SLIT1: variants seen among roughly 807,000 people sequenced by gnomAD.
SLIT1 encodes the protein slit guidance ligand 1, also known as slit homolog 1 protein.
Under a neutral mutation model 186.1 loss-of-function variants are expected in SLIT1, and 66 were observed. The observed-to-expected ratio is 0.35, with a 90% confidence interval of 0.29 to 0.44. The LOEUF (loss-of-function observed/expected upper bound fraction) is 0.44. Ranked by LOEUF, SLIT1 falls within the 20% of genes least tolerant of loss-of-function variation. The probability of loss-of-function intolerance (pLI) is 1.00; values close to 1 mark genes in which losing one functional copy is unlikely to be tolerated. For missense variants in SLIT1, 1,638 were observed against 2,037.4 expected, an observed-to-expected ratio of 0.80 and a Z score of 3.77; for synonymous variants, 761 against 833.8, an observed-to-expected ratio of 0.91 and a Z score of 1.50.
chr10:97,118,075 C>G (rs1051824171), intron 4 of SLIT1, among the ~76,000 whole-genome samples: 1 of 147,958 alleles, frequency 6.8e-6, no homozygotes, highest in Non-Finnish European at 1.5e-5. Context: ...ATTTAAGATT[C>G]TACTTTATTA....
chr10:97,158,615 TTGCACCAC>T (rs1849983554), intron 3 of SLIT1, among the ~76,000 whole-genome samples: 1 of 147,526 alleles, frequency 6.8e-6, no homozygotes, highest in Non-Finnish European at 1.5e-5. Flanking sequence ...TGAGCCAAGA[TTGCACCAC>T]TGCACTCCAG....
intron 13 of SLIT1, 144 bp from the exon 14 acceptor site, chr10:97,049,262 G>A (rs1848766485): frequency 2.1e-6 from 2 of 940,678 alleles, no homozygotes; most frequent in Admixed American, 5.4e-5. Flanking sequence ...GGGAAAGAGA[G>A]AGTGGGGTGA....
chr10:97,176,301 GA>G (rs945568514), intron 1 of SLIT1, among the ~76,000 whole-genome samples: 1 of 152,080 alleles, frequency 6.6e-6, no homozygotes, highest in African/African-American at 2.4e-5. Context: ...TGGCGAGAGG[GA>G]GGAGCTCTAA....
At position 97,019,146 on chromosome 10, in the gene SLIT1, G is replaced by T; in HGVS notation, c.2747-39C>A. 3.2e-6 allele frequency: 4 copies of T among 1,261,804 alleles called. No individual in the cohort carries two copies. The South Asian group carries it at 3.6e-5, about 11-fold the overall frequency. 78.2% of individuals were successfully genotyped at this position (1,261,804 alleles called of 1,614,324 possible). ...AGGGTGCTAGTGCAGGGGGAGGGGT[G>T]GGCAGCACAGGGCTGGGCACAGAGC... On this transcript the variant is annotated intron_variant, in intron 26 of 36. Transcript: ENST00000266058.
chr10:97,133,449 C>A (rs187130593), intron 4 of SLIT1, among the ~76,000 whole-genome samples: 1 of 152,230 alleles, frequency 6.6e-6, no homozygotes, highest in African/African-American at 2.4e-5. Context: ...TATGAGGTAC[C>A]TGGAGCTGTC....
intron 4 of SLIT1, among the ~76,000 whole-genome samples, chr10:97,100,260 G>C (rs149130263): frequency 6.6e-6 from 1 of 152,134 alleles, no homozygotes; most frequent in Non-Finnish European, 1.5e-5. Flanking sequence ...CATCAGCCCC[G>C]CAGGGAAGGC....
rs1848293358 is a variant in SLIT1 at position 97,000,421 on chromosome 10, A to AACT, written c.*690_*691insAGT. 1.3e-5 allele frequency: 2 copies of AACT among 152,476 alleles called. No homozygotes were observed. The highest frequency in any genetic ancestry group is 2.1e-4 in the South Asian group (1 of 4,836). The allele number at this position is 152,476 out of a possible 1,614,324, so 9.4% of individuals were successfully genotyped here. On this transcript the variant is annotated 3_prime_UTR_variant, in exon 37 of 37. Transcript: ENST00000266058. ...CCTCCACATAAGCCCTCGCAGCTAC[A>AACT]GTAGTCATGCTAGAACTTTAGGATT...
chr10:97,053,944 G>A (rs759769681), intron 13 of SLIT1, among the ~76,000 whole-genome samples: 19 of 152,194 alleles, frequency 1.2e-4, no homozygotes, highest in Non-Finnish European at 2.2e-4. Flanking sequence ...GGAGGTGTTC[G>A]GATCGGTGTT....
intron 4 of SLIT1, among the ~76,000 whole-genome samples, chr10:97,148,110 C>A (rs1025031702): frequency 6.6e-6 from 1 of 152,194 alleles, no homozygotes; most frequent in African/African-American, 2.4e-5. Flanking sequence ...ACTAGCTATG[C>A]AACCAATTTA....
rs1350719736 is a variant in SLIT1, at chr10:97,030,843, G to A, written c.2511-15C>T. The A allele has an allele frequency of 9.9e-6, 16 of 1,611,790 alleles. No homozygotes were observed. Among genetic ancestry groups the A allele is most frequent in the African/African-American group, 1.3e-5 (1 of 74,856 alleles). On this transcript the variant is annotated splice_polypyrimidine_tract_variant and intron_variant, in intron 24 of 36. Coordinates refer to ENST00000266058, the MANE Select transcript of SLIT1 (RefSeq NM_003061.3). The stretch of plus-strand genomic sequence containing the variant: ...CGTGGAGAGACCTGAGAAGGGAAGA[G>A]GCTGCTGGTGCCTTATCCAGGGACA...
At chr10:97,130,282 A>G (rs1183237372) in intron 4 of SLIT1, among the ~76,000 whole-genome samples, 1 of 152,250 alleles carries the variant, frequency 6.6e-6, no homozygotes, top group Non-Finnish European at 1.5e-5. Context: ...AGAGGAATGT[A>G]CAGGGACTCA....
chr10:97,026,875 C>T (rs1363966851), intron 25 of SLIT1, among the ~76,000 whole-genome samples: 2 of 152,154 alleles, frequency 1.3e-5, no homozygotes, highest in Non-Finnish European at 2.9e-5. Flanking sequence ...AAATCATCTT[C>T]GTGTAGGTAA....
intron 3 of SLIT1, among the ~76,000 whole-genome samples, chr10:97,160,553 G>C (rs1482350793): frequency 6.6e-6 from 1 of 152,264 alleles, no homozygotes; most frequent in Non-Finnish European, 1.5e-5. Flanking sequence ...CAAGGTATAC[G>C]TGTGTGGTTT....
At chr10:97,159,470 C>G (rs1220694011) in intron 3 of SLIT1, among the ~76,000 whole-genome samples, 1 of 152,194 alleles carries the variant, frequency 6.6e-6, no homozygotes, top group Non-Finnish European at 1.5e-5. Context: ...TAAATTAATC[C>G]TGTATTTACA....
At position 97,018,669 on chromosome 10, in the gene SLIT1, C is replaced by T. The variant is rs1329508945; in HGVS notation, c.2886G>A (p.Glu962=). 6.9e-6 allele frequency: 11 copies of T among 1,585,514 alleles called. No individual in the cohort carries two copies. The highest frequency in any genetic ancestry group is 9.4e-6 in the Non-Finnish European group (11 of 1,165,692). The change falls in exon 28 of 37, where the codon GAG becomes GAA. Residue 962 remains glutamate (E), a synonymous_variant. Coordinates refer to ENST00000266058, the MANE Select transcript of SLIT1 (RefSeq NM_003061.3). ...CPSGYKGRDC[E]VSLDSCSSGP... ...CACTGGAACAGCTGTCCAGGGACAC[C>T]TCACAGTCTCGACCCTGGGGGGAAA...
At chr10:97,008,157 A>G (rs1848377603) in intron 31 of SLIT1, among the ~76,000 whole-genome samples, 2 of 152,230 alleles carry the variant, frequency 1.3e-5, no homozygotes, top group African/African-American at 4.8e-5. Context: ...TGCTATTAGA[A>G]TTAATGAAAT....
chr10:97,095,837 C>T (rs186377679), intron 4 of SLIT1, among the ~76,000 whole-genome samples: 198 of 152,308 alleles, frequency 1.3e-3, no homozygotes, highest in Middle Eastern at 3.4e-3. Context: ...AAGACACAGA[C>T]GCTATCATCT....
intron 4 of SLIT1, among the ~76,000 whole-genome samples, chr10:97,075,195 C>T (rs1005439766): frequency 8.5e-5 from 13 of 152,340 alleles, no homozygotes; most frequent in Middle Eastern, 3.4e-3. Context: ...GGCACCTCAT[C>T]TGGGGGCTTA....
chr10:97,034,485 G>A lies in SLIT1; in HGVS notation c.2424C>T (p.Ser808=), dbSNP rs755295537. Residue 808 remains serine (S), a synonymous_variant, in exon 23 of 37, where the codon AGC becomes AGT. Transcript: ENST00000266058. ...CTGGGACTCACAGAGTGGTCAGCTG[G>A]CTCATGTTGGTGAAGGAGGAATTGC... ...SLSNSSFTNM[S]QLTTLILSYN... The A allele has an allele frequency of 1.9e-6, 3 of 1,613,434 alleles. No homozygotes were observed. The Admixed American group carries it at 5.0e-5, about 27-fold the overall frequency.
Sources: gnomAD v4.1 joint callset for allele counts (sites outside exome capture counted in the v4.1 genomes callset) on GRCh38, gnomAD v4.1.1 for gene constraint, MANE v1.5 for transcripts, NCBI Gene and HGNC (gene_info 2026-07-23, HGNC 2026-07-21) for gene names.